The following AP2B1 variants were observed in gnomAD, a reference collection of about 807,000 sequenced individuals.
AP2B1 encodes the protein adaptor related protein complex 2 subunit beta 1, also known as AP-2 complex subunit beta.
In AP2B1, 23 loss-of-function variants were observed where a neutral mutation model predicts 102.0. The observed-to-expected ratio is 0.23, with a 90% CI of 0.16 to 0.32. The LOEUF (loss-of-function observed/expected upper bound fraction) is 0.32. AP2B1 is among the 10% of genes least tolerant of loss of function. The pLI, the probability that AP2B1 is intolerant of heterozygous loss-of-function variation, is 1.00. For missense variants in AP2B1, 541 were observed against 1,157.4 expected, an observed-to-expected ratio of 0.47 and a Z score of 7.73; for synonymous variants, 381 against 421.2, an observed-to-expected ratio of 0.90 and a Z score of 1.17.
chr17:35,615,401 C>T (rs1245552998), intron 5 of AP2B1, among the ~76,000 whole-genome samples: 2 of 152,070 alleles, frequency 1.3e-5, no homozygotes, highest in Admixed American at 6.5e-5. Flanking sequence ...ATGCACCTTC[C>T]GGTTGTTATA....
chr17:35,679,416 T>G (rs2075770438), intron 17 of AP2B1, among the ~76,000 whole-genome samples: 1 of 151,726 alleles, frequency 6.6e-6, no homozygotes, highest in Non-Finnish European at 1.5e-5. Context: ...CCAGCCTTAT[T>G]CATATGCTGC....
chr17:35,644,103 C>T (rs2074858928), intron 12 of AP2B1, among the ~76,000 whole-genome samples: 2 of 152,090 alleles, frequency 1.3e-5, no homozygotes, highest in East Asian at 1.9e-4. Context: ...GGTTAGTAAA[C>T]GATTTCTATT....
chr17:35,592,291 G>A (rs543206444), intron 1 of AP2B1, among the ~76,000 whole-genome samples: 12 of 152,030 alleles, frequency 7.9e-5, no homozygotes, highest in East Asian at 7.7e-4. Context: ...ATTAGTGATG[G>A]TGATAAGGAA....
chr17:35,669,165 T>G (rs1243655822), intron 14 of AP2B1, among the ~76,000 whole-genome samples: 1 of 146,296 alleles, frequency 6.8e-6, no homozygotes, highest in Admixed American at 6.9e-5. Flanking sequence ...TTTTCCGAGA[T>G]GGAGTCTTGC....
At chr17:35,680,028 A>G (rs1247601394) in intron 17 of AP2B1, among the ~76,000 whole-genome samples, 1 of 151,228 alleles carries the variant, frequency 6.6e-6, no homozygotes, top group Non-Finnish European at 1.5e-5. Context: ...CCGGGTTCCA[A>G]GTAGCTGGGA....
chr17:35,689,664 T>C lies in AP2B1; in HGVS notation c.2454+6840T>C, dbSNP rs587609473. Among the ~76,000 whole-genome samples, 3 of 152,366 alleles carry C rather than the reference T, an allele frequency of 2.0e-5. No individual in the cohort carries two copies. In the East Asian group the frequency reaches 5.8e-4, roughly 29 times the overall value. ...GGTGGGTTGATAGCTCTTAAGTCTC[T>C]TTAGCTACACTGTTTAATATGATAG... On this transcript the variant is annotated intron_variant, in intron 18 of 21. Coordinates refer to ENST00000610402, the MANE Select transcript of AP2B1 (RefSeq NM_001030006.2).
chr17:35,603,840 A>G (rs1346010687), intron 3 of AP2B1, among the ~76,000 whole-genome samples: 1 of 152,224 alleles, frequency 6.6e-6, no homozygotes, highest in African/African-American at 2.4e-5. Flanking sequence ...TGAAAGCAAG[A>G]TGATTCACCA....
At chr17:35,704,348 T>C (rs145355261) in intron 18 of AP2B1, among the ~76,000 whole-genome samples, 9 of 152,290 alleles carry the variant, frequency 5.9e-5, no homozygotes, top group South Asian at 4.1e-4. Flanking sequence ...TCCTGCCTCA[T>C]TGAGAATCAG....
chr17:35,720,914 A>G (rs782155489), intron 21 of AP2B1, among the ~76,000 whole-genome samples: 2 of 152,066 alleles, frequency 1.3e-5, no homozygotes, highest in Non-Finnish European at 2.9e-5. Flanking sequence ...GACTAAAAGA[A>G]GAGGTGGTGG....
chr17:35,592,694 C>T (rs1263514102), intron 1 of AP2B1, among the ~76,000 whole-genome samples: 1 of 152,132 alleles, frequency 6.6e-6, no homozygotes, highest in African/African-American at 2.4e-5. Flanking sequence ...AGGCACGTGC[C>T]ACCATGCCCA....
chr17:35,639,866 T>C, intron 11 of AP2B1, 106 bp downstream of exon 11: 7 of 998,214 alleles, frequency 7.0e-6, no homozygotes, highest in Non-Finnish European at 8.8e-6. Context: ...TATTTACATA[T>C]AGTATGTTCA....
At chr17:35,708,449 A>C (rs1231330438) in intron 18 of AP2B1, among the ~76,000 whole-genome samples, 2 of 152,048 alleles carry the variant, frequency 1.3e-5, no homozygotes, top group Non-Finnish European at 2.9e-5. Flanking sequence ...TAAAAAAAAA[A>C]AACAAACAAA....
intron 1 of AP2B1, among the ~76,000 whole-genome samples, chr17:35,591,836 A>G (rs1165052504): frequency 2.6e-5 from 4 of 152,220 alleles, no homozygotes; most frequent in Admixed American, 6.5e-5. Context: ...TTGTAAAAAC[A>G]TTGCATAAGG....
At chr17:35,601,439 C>T (rs994123886) in intron 3 of AP2B1, among the ~76,000 whole-genome samples, 2 of 152,196 alleles carry the variant, frequency 1.3e-5, no homozygotes, top group African/African-American at 2.4e-5. Context: ...AAGGGATTCT[C>T]CTGCCTCAGC....
At chr17:35,701,848 C>T (rs1194627326) in intron 18 of AP2B1, among the ~76,000 whole-genome samples, 1 of 152,160 alleles carries the variant, frequency 6.6e-6, no homozygotes, top group Non-Finnish European at 1.5e-5. Flanking sequence ...GAACTCCTGG[C>T]CTTAAGTGAT....
At chr17:35,691,180 C>G (rs763288343) in intron 18 of AP2B1, among the ~76,000 whole-genome samples, 1 of 152,054 alleles carries the variant, frequency 6.6e-6, no homozygotes, top group Non-Finnish European at 1.5e-5. Flanking sequence ...GCTGAAGACA[C>G]TAGCTGCAAA....
At chr17:35,631,312 CAAA>C (rs1015630022) in intron 9 of AP2B1, among the ~76,000 whole-genome samples, 1 of 151,842 alleles carries the variant, frequency 6.6e-6, no homozygotes, top group South Asian at 2.1e-4. Flanking sequence ...TTCTTAAAGA[CAAA>C]AAACATATTT....
intron 5 of AP2B1, among the ~76,000 whole-genome samples, chr17:35,614,762 A>G (rs1230387005): frequency 3.9e-5 from 6 of 152,122 alleles, no homozygotes; most frequent in African/African-American, 1.4e-4. Flanking sequence ...AATCTTTACC[A>G]AAAGTTGTAG....
At chr17:35,713,575 G>T (rs1555588577) in intron 20 of AP2B1, among the ~76,000 whole-genome samples, 1 of 152,128 alleles carries the variant, frequency 6.6e-6, no homozygotes, top group Admixed American at 6.5e-5. Flanking sequence ...CAGCTGATCT[G>T]CCCTAATCAC....
Sources: gnomAD v4.1 joint callset for allele counts (sites outside exome capture counted in the v4.1 genomes callset) on GRCh38, gnomAD v4.1.1 for gene constraint, MANE v1.5 for transcripts, NCBI Gene and HGNC (gene_info 2026-07-23, HGNC 2026-07-21) for gene names.